Variants in CNTN5 observed in about 807,000 individuals in gnomAD.
CNTN5 encodes the protein contactin 5, also known as contactin-5.
CNTN5 carries 77 observed loss-of-function variants against 129.1 expected under a neutral mutation model. The ratio of observed to expected loss-of-function variants is 0.60; its 90% confidence interval spans 0.50 to 0.72. The LOEUF is 0.72. CNTN5 is among the 30% of genes least tolerant of loss of function. The pLI is 0.00. For synonymous variants in CNTN5, 509 were observed against 465.6 expected, an observed-to-expected ratio of 1.09 and a Z score of -1.20; for missense variants, 1,478 against 1,328.8, an observed-to-expected ratio of 1.11 and a Z score of -1.75.
chr11:99,082,076 G>A (rs1172418279), intron 1 of CNTN5, among the ~76,000 whole-genome samples: 10 of 151,952 alleles, frequency 6.6e-5, no homozygotes, highest in Non-Finnish European at 1.3e-4. Context: ...TCTCTGTGAT[G>A]TATTATGGTG....
intron 2 of CNTN5, among the ~76,000 whole-genome samples, chr11:99,494,410 C>T (rs1306503046): frequency 1.3e-5 from 2 of 152,094 alleles, no homozygotes; most frequent in Non-Finnish European, 2.9e-5. Context: ...AGGCTAAATC[C>T]TTTGAACTGT....
chr11:99,295,647 C>T (rs7939739), intron 1 of CNTN5, among the ~76,000 whole-genome samples: 7,669 of 151,698 alleles, frequency 0.051, 625 homozygotes, highest in African/African-American at 0.17. Flanking sequence ...GAGGCCGAGG[C>T]GGGTGGATCA....
intron 1 of CNTN5, among the ~76,000 whole-genome samples, chr11:99,108,566 A>C (rs911506511): frequency 3.0e-4 from 46 of 152,338 alleles, no homozygotes; most frequent in African/African-American, 1.0e-3. Context: ...TTTTATAAAC[A>C]TCATAGAATT....
At chr11:100,015,068 C>A (rs1940751724) in intron 9 of CNTN5, among the ~76,000 whole-genome samples, 1 of 152,114 alleles carries the variant, frequency 6.6e-6, no homozygotes, top group Non-Finnish European at 1.5e-5. Flanking sequence ...TTGATTACCA[C>A]TGACTTGGTG....
chr11:99,434,607 G>A (rs937048622), intron 2 of CNTN5, among the ~76,000 whole-genome samples: 1 of 152,042 alleles, frequency 6.6e-6, no homozygotes, highest in Non-Finnish European at 1.5e-5. Flanking sequence ...TTATTCCAAC[G>A]TAGGACACAG....
rs1032251296 is a variant in CNTN5 at position 99,875,470 on chromosome 11, C to G, written c.577+30208C>G. On this transcript the variant is annotated intron_variant, in intron 6 of 24. Transcript: ENST00000524871. ...TTTCTATATGCTCCTGTTATTACCA[C>G]TGAATAATATAGGAAGCTCATAAAT... Among the ~76,000 whole-genome samples the G allele has an allele frequency of 4.6e-4, 70 of 152,048 alleles. 1 individual carries two copies. The highest frequency in any genetic ancestry group is 1.7e-3 in the African/African-American group (70 of 41,394).
At chr11:99,436,921 A>T (rs1170590371) in intron 2 of CNTN5, among the ~76,000 whole-genome samples, 1 of 152,066 alleles carries the variant, frequency 6.6e-6, no homozygotes, top group Non-Finnish European at 1.5e-5. Context: ...TCTCCCTAAA[A>T]GGTTTTCTCT....
At chr11:99,714,574 C>T (rs1051356281) in intron 3 of CNTN5, among the ~76,000 whole-genome samples, 1 of 151,880 alleles carries the variant, frequency 6.6e-6, no homozygotes, top group African/African-American at 2.4e-5. Flanking sequence ...GGTTTTTTAA[C>T]ATGCATTATC....
chr11:99,891,332 T>TTTA (rs60752155), intron 6 of CNTN5, among the ~76,000 whole-genome samples: 9,441 of 151,828 alleles, frequency 0.062, 575 homozygotes, highest in East Asian at 0.28. Flanking sequence ...CCAATATCTT[T>TTTA]TTATTATTAT....
intron 2 of CNTN5, among the ~76,000 whole-genome samples, chr11:99,427,380 G>C (rs995821579): frequency 6.6e-6 from 1 of 152,152 alleles, no homozygotes; most frequent in African/African-American, 2.4e-5. Flanking sequence ...TGAAAAACTT[G>C]AAGGAAAGAG....
chr11:100,256,456 C>A (rs1039942961), intron 17 of CNTN5, among the ~76,000 whole-genome samples: 110 of 152,248 alleles, frequency 7.2e-4, no homozygotes, highest in African/African-American at 1.9e-3. Context: ...TTTTGCTACT[C>A]CTTTCTAGTC....
intron 3 of CNTN5, among the ~76,000 whole-genome samples, chr11:99,748,402 C>A (rs1944126743): frequency 7.0e-6 from 1 of 143,490 alleles, no homozygotes; most frequent in African/African-American, 2.7e-5. Context: ...CAGTCTCCAG[C>A]AGAACAATCC....
intron 15 of CNTN5, among the ~76,000 whole-genome samples, chr11:100,198,353 T>C (rs1948697686): frequency 1.3e-5 from 2 of 151,878 alleles, no homozygotes; most frequent in Admixed American, 1.3e-4. Flanking sequence ...AAATAAATAA[T>C]TGAACACCTA....
At chr11:100,234,775 A>T (rs560829195) in intron 16 of CNTN5, among the ~76,000 whole-genome samples, 1 of 146,786 alleles carries the variant, frequency 6.8e-6, no homozygotes, top group Admixed American at 7.0e-5. Context: ...CACATTCTGC[A>T]CATGTATCCC....
At chr11:99,842,133 G>C (rs1421097857) in intron 4 of CNTN5, among the ~76,000 whole-genome samples, 10 of 151,974 alleles carry the variant, frequency 6.6e-5, no homozygotes, top group Admixed American at 6.6e-4. Context: ...GACCTCAGAT[G>C]ATGCACCCAC....
intron 3 of CNTN5, among the ~76,000 whole-genome samples, chr11:99,745,087 T>G (rs2135182341): frequency 6.6e-6 from 1 of 152,320 alleles, no homozygotes; most frequent in South Asian, 2.1e-4. Flanking sequence ...TCAGCAAATT[T>G]CCTCCATTAA....
rs371662200 is a variant in CNTN5, at chr11:99,544,964, A to G, written c.-70-11181A>G. On this transcript the variant is annotated intron_variant, in intron 2 of 24. Coordinates refer to ENST00000524871, the MANE Select transcript of CNTN5 (RefSeq NM_014361.4). Reference sequence around the variant, plus strand: ...TTTTCCTTCATTGAGATTTCTTTGTAATTCCTTTGCCAACAACATAGAAGA... The same window carrying G: ...TTTTCCTTCATTGAGATTTCTTTGTGATTCCTTTGCCAACAACATAGAAGA... Among the ~76,000 whole-genome samples, 58 of 152,302 alleles carry G rather than the reference A, an allele frequency of 3.8e-4. No individual in the cohort carries two copies. The South Asian group carries it at 0.012, about 32-fold the overall frequency.
chr11:99,575,899 A>G (rs1053805748), intron 3 of CNTN5, among the ~76,000 whole-genome samples: 3 of 152,176 alleles, frequency 2.0e-5, no homozygotes, highest in African/African-American at 7.2e-5. Flanking sequence ...ACTAAGCAGC[A>G]TGGCAGATTA....
At chr11:99,510,910 T>C (rs541545234) in intron 2 of CNTN5, among the ~76,000 whole-genome samples, 8 of 152,296 alleles carry the variant, frequency 5.3e-5, no homozygotes, top group Admixed American at 4.6e-4. Context: ...GTCATTATTA[T>C]AATCATAGGA....
Sources: allele counts gnomAD v4.1 joint callset (sites outside exome capture counted in the v4.1 genomes callset), GRCh38; gene constraint gnomAD v4.1.1; transcripts MANE v1.5; gene names NCBI Gene and HGNC (gene_info 2026-07-23, HGNC 2026-07-21).